The following RAD51B variants were observed in gnomAD, a reference collection of about 807,000 sequenced individuals.
The protein encoded by RAD51B is DNA repair protein RAD51 homolog 2.
In RAD51B, 38 loss-of-function variants were observed where a neutral mutation model predicts 42.2. The ratio of observed to expected loss-of-function variants is 0.90; its 90% confidence interval spans 0.70 to 1.18. The LOEUF (loss-of-function observed/expected upper bound fraction) is 1.18, where lower values mean the gene tolerates loss of function less well. RAD51B is among the 50% of genes most tolerant of loss of function. The probability of loss-of-function intolerance (pLI) is 0.00; values close to 1 mark genes in which losing one functional copy is unlikely to be tolerated. For missense variants in RAD51B, 373 were observed against 400.7 expected, an observed-to-expected ratio of 0.93 and a Z score of 0.59; for synonymous variants, 154 against 145.2, an observed-to-expected ratio of 1.06 and a Z score of -0.43.
At chr14:68,341,415 T>G (rs761683333) in intron 8 of RAD51B, among the ~76,000 whole-genome samples, 1 of 152,212 alleles carries the variant, frequency 6.6e-6, no homozygotes, top group Non-Finnish European at 1.5e-5. Flanking sequence ...CCTTATTTTC[T>G]TAGGTCAAAG....
At chr14:68,095,919 G>A (rs1397551704) in intron 7 of RAD51B, among the ~76,000 whole-genome samples, 1 of 140,976 alleles carries the variant, frequency 7.1e-6, no homozygotes, top group Non-Finnish European at 1.5e-5. Context: ...GAGCTTGCAT[G>A]AGCCAAGATC....
intron 10 of RAD51B, among the ~76,000 whole-genome samples, chr14:68,495,079 G>A (rs1039447433): frequency 1.3e-5 from 2 of 152,190 alleles, no homozygotes; most frequent in Non-Finnish European, 2.9e-5. Context: ...TATTCAGGCA[G>A]AGATTATATA....
chr14:68,257,958 T>G (rs2080788318), intron 7 of RAD51B, among the ~76,000 whole-genome samples: 1 of 152,192 alleles, frequency 6.6e-6, no homozygotes, highest in South Asian at 2.1e-4. Context: ...GAACTGACAT[T>G]TTTTGAACGC....
At chr14:68,408,358 A>G (rs1203016720) in intron 8 of RAD51B, among the ~76,000 whole-genome samples, 2 of 152,206 alleles carry the variant, frequency 1.3e-5, no homozygotes, top group African/African-American at 4.8e-5. Flanking sequence ...ATATGGGAAA[A>G]TATGAGCTTG....
chr14:68,064,722 G>A (rs2076622257), intron 7 of RAD51B, among the ~76,000 whole-genome samples: 2 of 151,602 alleles, frequency 1.3e-5, no homozygotes, highest in South Asian at 2.1e-4. Flanking sequence ...TGAAAGTCAG[G>A]GATTCTTTTT....
intron 8 of RAD51B, among the ~76,000 whole-genome samples, chr14:68,301,596 T>C (rs1409079966): frequency 5.9e-5 from 2 of 34,078 alleles, no homozygotes. Flanking sequence ...TTGTGTGTTT[T>C]TTTTTTTTTT....
In RAD51B at chr14:68,673,835, A is replaced by G. The variant is rs1433897054; in HGVS notation, c.*11+22979A>G. ...GTACACACATACACATACTGTACAT[A>G]CACATATGTACATGCACACTCATAC... On this transcript the variant is annotated intron_variant, in intron 11 of 11. Coordinates refer to the RAD51B transcript ENST00000488612. 5.3e-5 allele frequency among the ~76,000 whole-genome samples: 8 copies of G among 151,866 alleles called. 1 individual carries two copies. In the South Asian group the frequency reaches 1.0e-3, roughly 20 times the overall value.
At chr14:68,117,110 T>A (rs1188254549) in intron 7 of RAD51B, among the ~76,000 whole-genome samples, 2 of 152,216 alleles carry the variant, frequency 1.3e-5, no homozygotes, top group African/African-American at 4.8e-5. Flanking sequence ...TGCGCCTATA[T>A]CATAGAGCGT....
At chr14:68,574,262 T>C (rs1029172814) in intron 10 of RAD51B, among the ~76,000 whole-genome samples, 2 of 152,100 alleles carry the variant, frequency 1.3e-5, no homozygotes, top group African/African-American at 4.8e-5. Context: ...CTGGCTTTTA[T>C]TGGCTGCACG....
At chr14:67,959,309 C>T (rs574190022) in intron 7 of RAD51B, among the ~76,000 whole-genome samples, 23 of 151,624 alleles carry the variant, frequency 1.5e-4, no homozygotes, top group South Asian at 8.3e-4. Context: ...TGCAGTGGTG[C>T]GATCTTGGCT....
At chr14:67,962,925 A>G (rs28444723) in intron 7 of RAD51B, among the ~76,000 whole-genome samples, 47,026 of 152,060 alleles carry the variant, frequency 0.31, 9,947 homozygotes, top group African/African-American at 0.6. Context: ...ATTCATAGCA[A>G]CAATTCAATC....
At chr14:68,416,841 G>C (rs1479375587) in intron 9 of RAD51B, among the ~76,000 whole-genome samples, 1 of 152,192 alleles carries the variant, frequency 6.6e-6, no homozygotes, top group Non-Finnish European at 1.5e-5. Context: ...GGCTGAGGGA[G>C]AGAAGGGTTC....
At chr14:67,918,259 G>C (rs2044218332) in intron 7 of RAD51B, among the ~76,000 whole-genome samples, 1 of 152,054 alleles carries the variant, frequency 6.6e-6, no homozygotes, top group African/African-American at 2.4e-5. Flanking sequence ...TTTTGAGATG[G>C]AGTCTCACTC....
chr14:68,555,045 A>C (rs2140004937), intron 10 of RAD51B, among the ~76,000 whole-genome samples: 1 of 152,180 alleles, frequency 6.6e-6, no homozygotes, highest in African/African-American at 2.4e-5. Flanking sequence ...ACAAAGTTTC[A>C]CTATGTTGGC....
chr14:68,195,855 C>G (rs1417831882), intron 7 of RAD51B, among the ~76,000 whole-genome samples: 7 of 144,270 alleles, frequency 4.9e-5, no homozygotes, highest in Non-Finnish European at 9.0e-5. Context: ...TTGTGGTGAG[C>G]CGAGATCACA....
At chr14:68,030,789 A>C (rs1595286719) in intron 7 of RAD51B, among the ~76,000 whole-genome samples, 1 of 152,198 alleles carries the variant, frequency 6.6e-6, no homozygotes, top group Non-Finnish European at 1.5e-5. Context: ...GGCTTCCAAC[A>C]TACTTTCCTC....
intron 7 of RAD51B, among the ~76,000 whole-genome samples, chr14:67,984,598 G>C (rs913382280): frequency 4.6e-5 from 7 of 152,092 alleles, no homozygotes; most frequent in Non-Finnish European, 1.0e-4. Context: ...TGTTCAGTCT[G>C]GACTCTCTGC....
intron 10 of RAD51B, among the ~76,000 whole-genome samples, chr14:68,610,843 ATGTGTGTGTGTGTG>A (rs60173412): frequency 5.1e-4 from 74 of 144,992 alleles, no homozygotes; most frequent in Middle Eastern, 3.6e-3. Context: ...CTGAATGTAT[ATGTGTGTGTGTGTG>A]TGTGTGTGTG....
intron 9 of RAD51B, among the ~76,000 whole-genome samples, chr14:68,447,368 A>G (rs1044971697): frequency 1.3e-5 from 2 of 152,194 alleles, no homozygotes; most frequent in African/African-American, 4.8e-5. Flanking sequence ...ACTTAGGTCT[A>G]CTTTCCTGGT....
Sources: allele counts gnomAD v4.1 joint callset (sites outside exome capture counted in the v4.1 genomes callset), GRCh38; gene constraint gnomAD v4.1.1; transcripts MANE v1.5; gene names NCBI Gene and HGNC (gene_info 2026-07-23, HGNC 2026-07-21).